DENND1B: variants seen among roughly 807,000 people sequenced by gnomAD.
DENND1B encodes DENN domain containing 1B.
Under a neutral mutation model 90.1 loss-of-function variants are expected in DENND1B, and 59 were observed. The ratio of observed to expected loss-of-function variants is 0.65; its 90% CI spans 0.53 to 0.81. DENND1B has a LOEUF of 0.81. Ranked by LOEUF, DENND1B falls within the 40% of genes least tolerant of loss-of-function variation. DENND1B has a pLI of 0.00. For missense variants in DENND1B, 862 were observed against 912.6 expected (o/e 0.94, Z 0.71); for synonymous variants, 337 against 324.6 (o/e 1.04, Z -0.41).
chr1:197,603,968 T>C (rs183403424), intron 13 of DENND1B, among the ~76,000 whole-genome samples: 150 of 151,276 alleles, frequency 9.9e-4, no homozygotes, highest in Non-Finnish European at 2.0e-3. Flanking sequence ...ACACTAACTG[T>C]GATTGATGCT....
At chr1:197,586,736 G>T (rs910211207) in intron 14 of DENND1B, among the ~76,000 whole-genome samples, 1 of 152,176 alleles carries the variant, frequency 6.6e-6, no homozygotes, top group African/African-American at 2.4e-5. Context: ...CAGGAAAAAG[G>T]TATTAAAGAA....
chr1:197,644,319 A>T (rs933284042), intron 9 of DENND1B, among the ~76,000 whole-genome samples: 1 of 152,238 alleles, frequency 6.6e-6, no homozygotes, highest in Non-Finnish European at 1.5e-5. Context: ...TTAATAGACA[A>T]GTAAAAATAC....
intron 2 of DENND1B, among the ~76,000 whole-genome samples, chr1:197,721,967 C>T (rs183032924): frequency 1.3e-3 from 196 of 152,176 alleles, no homozygotes; most frequent in Non-Finnish European, 2.5e-3. Context: ...GCCTATTATT[C>T]CCTCTAACTT....
chr1:197,524,512 C>T (rs893194626), intron 20 of DENND1B, among the ~76,000 whole-genome samples: 3 of 152,070 alleles, frequency 2.0e-5, no homozygotes, highest in African/African-American at 7.2e-5. Context: ...CTTTACATTC[C>T]CGCAGGGGGT....
chr1:197,567,868 A>G lies in DENND1B; in HGVS notation c.1150-14756T>C, dbSNP rs1352360294. 3.3e-5 allele frequency among the ~76,000 whole-genome samples: 5 copies of G among 152,268 alleles called. No homozygotes were observed. The East Asian group carries it at 9.7e-4, about 29-fold the overall frequency. ...AGCTAATATAATAGTCAATGGTAAA[A>G]AGCTAAGATAAGGAACAAGACAAGA... is the stretch of plus-strand genomic sequence containing the variant. On this transcript the variant is annotated intron_variant, in intron 15 of 22. Transcript: ENST00000620048.
chr1:197,529,228 ATATATATATATATATG>A (rs747129939), intron 20 of DENND1B, among the ~76,000 whole-genome samples: 3 of 14,642 alleles, frequency 2.0e-4, no homozygotes, highest in East Asian at 3.7e-3. Context: ...ATATATATAT[ATATATATATATATATG>A]TGTGTGTGTG....
intron 20 of DENND1B, among the ~76,000 whole-genome samples, chr1:197,538,656 ATTTTTTTTT>A (rs67761711): frequency 9.4e-6 from 1 of 105,882 alleles, no homozygotes; most frequent in Admixed American, 9.9e-5. Flanking sequence ...AATTAATGGG[ATTTTTTTTT>A]TTTTTTTTTT....
intron 2 of DENND1B, among the ~76,000 whole-genome samples, chr1:197,759,045 A>G (rs1316606282): frequency 7.1e-6 from 1 of 141,448 alleles, no homozygotes; most frequent in African/African-American, 2.7e-5. Context: ...TCTCGGCTCA[A>G]TGCAACATCC....
At chr1:197,609,997 C>T (rs112883537) in intron 12 of DENND1B, among the ~76,000 whole-genome samples, 2 of 150,456 alleles carry the variant, frequency 1.3e-5, no homozygotes, top group Non-Finnish European at 3.0e-5. Context: ...AGTGGCATAA[C>T]AAGAATGAAA....
chr1:197,628,809 T>C (rs1424269695), intron 10 of DENND1B, among the ~76,000 whole-genome samples: 2 of 151,456 alleles, frequency 1.3e-5, no homozygotes, highest in African/African-American at 4.8e-5. Flanking sequence ...GAATCTACAA[T>C]GAACTCAAAC....
intron 10 of DENND1B, among the ~76,000 whole-genome samples, chr1:197,636,901 AGGAGACTATGG>A (rs1679845819): frequency 6.6e-6 from 1 of 152,076 alleles, no homozygotes; most frequent in African/African-American, 2.4e-5. Context: ...TAGTAGGAGA[AGGAGACTATGG>A]GGAAAAGATG....
In DENND1B at chr1:197,510,275, A is replaced by C; in HGVS notation, c.*185T>G. On this transcript the variant is annotated 3_prime_UTR_variant, in exon 23 of 23. Transcript: ENST00000620048. ...CTAGTACCTGATTTAAAAGCACAGT[A>C]GAATTCGCTTTATATTTAAAAATCA... 1.5e-6 allele frequency: 1 copy of C among 652,954 alleles called. No homozygotes were observed. Among genetic ancestry groups the C allele is most frequent in the Non-Finnish European group, 2.5e-6 (1 of 399,728 alleles). The allele number at this position is 652,954 out of a possible 1,614,324, so 40.4% of individuals were successfully genotyped here.
At chr1:197,686,879 T>G (rs1053089610) in intron 3 of DENND1B, among the ~76,000 whole-genome samples, 4 of 152,292 alleles carry the variant, frequency 2.6e-5, no homozygotes, top group Admixed American at 6.5e-5. Flanking sequence ...TGATAAAAGC[T>G]TGGGCTCTCC....
chr1:197,545,287 C>G (rs1377234364), intron 18 of DENND1B, among the ~76,000 whole-genome samples: 1 of 152,044 alleles, frequency 6.6e-6, no homozygotes, highest in African/African-American at 2.4e-5. Flanking sequence ...TGCCTGTAAT[C>G]CCAGCTACTT....
rs1405138872 is a variant in DENND1B, at chr1:197,507,866, G to A, written c.*2594C>T. On this transcript the variant is annotated 3_prime_UTR_variant, in exon 23 of 23. Coordinates refer to ENST00000620048, the MANE Select transcript of DENND1B (RefSeq NM_001195215.2). ...TTACTGGTTTGAAATACAAATACTT[G>A]GTAGTATTATTCTGGATGTTTTTAA... 2 of 151,368 alleles carry A rather than the reference G, an allele frequency of 1.3e-5. No homozygotes were observed. The highest frequency in any genetic ancestry group is 4.8e-5 in the African/African-American group (2 of 41,268). The allele number at this position is 151,368 out of a possible 1,614,324, so 9.4% of individuals were successfully genotyped here. A position where few individuals can be genotyped will look rare whatever the true frequency, so the allele number is the denominator to read the frequency against.
At chr1:197,752,563 C>G (rs140361643) in intron 2 of DENND1B, among the ~76,000 whole-genome samples, 1 of 151,986 alleles carries the variant, frequency 6.6e-6, no homozygotes, top group Non-Finnish European at 1.5e-5. Flanking sequence ...ATTGAAAACA[C>G]TAACTTCTGA....
intron 16 of DENND1B, among the ~76,000 whole-genome samples, chr1:197,551,947 A>G (rs779648654): frequency 2.0e-5 from 3 of 152,136 alleles, no homozygotes; most frequent in Non-Finnish European, 4.4e-5. Context: ...AATGCTTTCA[A>G]TGAAATGCTA....
At chr1:197,537,213 A>AT (rs1669976800) in intron 20 of DENND1B, among the ~76,000 whole-genome samples, 1 of 152,170 alleles carries the variant, frequency 6.6e-6, no homozygotes. Context: ...CAACATTTGC[A>AT]TCACAATTCT....
chr1:197,706,527 A>C (rs1659553013), intron 3 of DENND1B, among the ~76,000 whole-genome samples: 1 of 152,178 alleles, frequency 6.6e-6, no homozygotes, highest in Admixed American at 6.5e-5. Context: ...ACGTAAACTA[A>C]TCATCTGACA....
Sources: gnomAD v4.1 joint callset for allele counts (sites outside exome capture counted in the v4.1 genomes callset) on GRCh38, gnomAD v4.1.1 for gene constraint, MANE v1.5 for transcripts, NCBI Gene and HGNC (gene_info 2026-07-23, HGNC 2026-07-21) for gene names.